CHODL: variants seen among roughly 807,000 people sequenced by gnomAD.
CHODL encodes transmembrane protein MT75.
In CHODL, 29 loss-of-function variants were observed where a neutral mutation model predicts 34.5. The ratio of observed to expected loss-of-function variants is 0.84; its 90% confidence interval spans 0.63 to 1.15. CHODL has a LOEUF of 1.15. Ranked by LOEUF, CHODL falls within the 50% of genes most tolerant of loss-of-function variation. CHODL has a pLI of 0.00. For synonymous variants in CHODL, 125 were observed against 116.1 expected, an observed-to-expected ratio of 1.08 and a Z score of -0.49; for missense variants, 332 against 332.5, an observed-to-expected ratio of 1.00 and a Z score of 0.01.
intron 2 of CHODL, among the ~76,000 whole-genome samples, chr21:18,158,785 C>A (rs1034775061): frequency 6.7e-6 from 1 of 149,454 alleles, no homozygotes; most frequent in African/African-American, 2.5e-5. Context: ...TTGCGGTGAG[C>A]CGAGGTGCTG....
intron 1 of CHODL, among the ~76,000 whole-genome samples, chr21:17,988,261 A>G (rs183710137): frequency 3.1e-4 from 47 of 152,266 alleles, no homozygotes; most frequent in Admixed American, 9.2e-4. Context: ...TTGTTGATAC[A>G]ATGTGGCATT....
At chr21:18,131,152 C>CAGAGAGAGAG in intron 2 of CHODL, among the ~76,000 whole-genome samples, 1 of 149,810 alleles carries the variant, frequency 6.7e-6, no homozygotes, top group South Asian at 2.1e-4. Flanking sequence ...ACAGAGAGAG[C>CAGAGAGAGAG]AGAGAGAGAG....
At chr21:18,207,653 T>C (rs1388478314) in intron 2 of CHODL, among the ~76,000 whole-genome samples, 1 of 129,318 alleles carries the variant, frequency 7.7e-6, no homozygotes, top group Non-Finnish European at 1.6e-5. Flanking sequence ...TGATGAAATC[T>C]CTCAGCTTTT....
chr21:18,236,492 A>T (rs533196021), intron 2 of CHODL, among the ~76,000 whole-genome samples: 2 of 152,206 alleles, frequency 1.3e-5, no homozygotes, highest in East Asian at 3.9e-4. Context: ...TGACTTTCAA[A>T]GTGTGTTCTA....
chr21:18,014,222 T>C (rs998386864), intron 1 of CHODL, among the ~76,000 whole-genome samples: 1 of 152,094 alleles, frequency 6.6e-6, no homozygotes, highest in African/African-American at 2.4e-5. Context: ...GACATGGAAT[T>C]AACTTAGGTG....
At chr21:18,186,791 AC>A (rs2073446678) in intron 2 of CHODL, among the ~76,000 whole-genome samples, 1 of 152,200 alleles carries the variant, frequency 6.6e-6, no homozygotes, top group Non-Finnish European at 1.5e-5. Context: ...TTATGAAATC[AC>A]CTTCTACCTG....
At chr21:18,188,734 A>G (rs2073475185) in intron 2 of CHODL, among the ~76,000 whole-genome samples, 1 of 152,222 alleles carries the variant, frequency 6.6e-6, no homozygotes, top group Non-Finnish European at 1.5e-5. Flanking sequence ...CATATTTGTT[A>G]TTGTGTGTCA....
intron 2 of CHODL, among the ~76,000 whole-genome samples, chr21:18,171,654 A>G (rs1259315075): frequency 6.6e-6 from 1 of 151,978 alleles, no homozygotes; most frequent in Non-Finnish European, 1.5e-5. Flanking sequence ...TGCATGTCTT[A>G]CAATTCTTTG....
intron 1 of CHODL, among the ~76,000 whole-genome samples, chr21:17,976,349 C>T (rs1162343271): frequency 1.4e-5 from 2 of 143,216 alleles, no homozygotes; most frequent in Non-Finnish European, 3.0e-5. Flanking sequence ...GTTGAATGTA[C>T]AGACAAGGAG....
chr21:18,169,606 T>A (rs2146656473), intron 2 of CHODL, among the ~76,000 whole-genome samples: 1 of 152,168 alleles, frequency 6.6e-6, no homozygotes, highest in Admixed American at 6.5e-5. Flanking sequence ...TATTCTTCAT[T>A]TATTTCTGCT....
intron 2 of CHODL, among the ~76,000 whole-genome samples, chr21:18,051,734 T>A (rs2064519196): frequency 6.6e-6 from 1 of 151,966 alleles, no homozygotes; most frequent in South Asian, 2.1e-4. Flanking sequence ...AGTAAAGACT[T>A]CCCGTTAACT....
intron 1 of CHODL, among the ~76,000 whole-genome samples, chr21:17,984,243 A>G (rs140184932): frequency 6.6e-6 from 1 of 152,294 alleles, no homozygotes; most frequent in African/African-American, 2.4e-5. Context: ...ATAAAATTCC[A>G]TTATATGGGT....
intron 2 of CHODL, among the ~76,000 whole-genome samples, chr21:18,114,581 T>C (rs761619155): frequency 2.0e-5 from 3 of 152,110 alleles, no homozygotes; most frequent in Non-Finnish European, 4.4e-5. Flanking sequence ...GCCTCCCGAG[T>C]AGCTTAGCTG....
intron 2 of CHODL, among the ~76,000 whole-genome samples, chr21:18,126,355 AATAGACT>A (rs1476218139): frequency 6.6e-6 from 1 of 152,250 alleles, no homozygotes; most frequent in African/African-American, 2.4e-5. Context: ...TTGCATACTT[AATAGACT>A]ATAGTGTACT....
chr21:18,257,685 A>G (rs1465148465), intron 3 of CHODL, among the ~76,000 whole-genome samples: 2 of 152,302 alleles, frequency 1.3e-5, no homozygotes, highest in East Asian at 1.9e-4. Context: ...TATGATTCCT[A>G]TTCTTGAAAT....
chr21:18,264,601 CAAAA>C (rs564344974), intron 5 of CHODL, among the ~76,000 whole-genome samples: 13,975 of 68,268 alleles, frequency 0.2, 758 homozygotes, highest in Middle Eastern at 0.28. Flanking sequence ...GGGTCTGTCT[CAAAA>C]AAAAAAAAAA....
At chr21:17,995,532 G>A (rs1363236183) in intron 1 of CHODL, among the ~76,000 whole-genome samples, 1 of 152,208 alleles carries the variant, frequency 6.6e-6, no homozygotes, top group African/African-American at 2.4e-5. Context: ...TATTCAGCAT[G>A]TGGTTATCTA....
In CHODL at chr21:17,958,764, T is replaced by A. The variant is rs961855698; in HGVS notation, c.-145+41364T>A. Among the ~76,000 whole-genome samples, 3 of 152,222 alleles carry A rather than the reference T, an allele frequency of 2.0e-5. No homozygotes were observed. In the South Asian group the frequency reaches 6.2e-4, roughly 31 times the overall value. ...CAGTACAACAAAGGCAGGTTTACTTTGCAGTAAGCCTTTGATAATAGAATT... is the reference window on the plus strand; with the variant it reads ...CAGTACAACAAAGGCAGGTTTACTTAGCAGTAAGCCTTTGATAATAGAATT... On this transcript the variant is annotated intron_variant, in intron 1 of 6. Transcript: ENST00000400127.
chr21:17,919,825 T>A (rs1009639901), intron 1 of CHODL, among the ~76,000 whole-genome samples: 3 of 152,214 alleles, frequency 2.0e-5, no homozygotes, highest in Non-Finnish European at 4.4e-5. Context: ...AGCACCCAAG[T>A]CACCTCTTGA....
Sources: allele counts gnomAD v4.1 joint callset (sites outside exome capture counted in the v4.1 genomes callset), GRCh38; gene constraint gnomAD v4.1.1; transcripts MANE v1.5; gene names NCBI Gene and HGNC (gene_info 2026-07-23, HGNC 2026-07-21).